TAS1R1: variants seen among roughly 807,000 people sequenced by gnomAD.
TAS1R1 encodes the protein taste 1 receptor member 1, also known as taste receptor type 1 member 1.
Under a neutral mutation model 45.8 loss-of-function variants are expected in TAS1R1, and 31 were observed. That is an observed-to-expected ratio of 0.68 (90% CI 0.51 to 0.91). The LOEUF (loss-of-function observed/expected upper bound fraction) is 0.91. TAS1R1 is among the 40% of genes least tolerant of loss of function. The pLI is 0.00. For missense variants in TAS1R1, 1,051 were observed against 1,063.9 expected, an observed-to-expected ratio of 0.99 and a Z score of 0.17; for synonymous variants, 437 against 448.4, an observed-to-expected ratio of 0.97 and a Z score of 0.32.
At chr1:6,568,293 A>G (rs1197157717) in intron 1 of TAS1R1, among the ~76,000 whole-genome samples, 1 of 151,922 alleles carries the variant, frequency 6.6e-6, no homozygotes, top group Non-Finnish European at 1.5e-5. Flanking sequence ...ACTAAAAAAA[A>G]ATACAAAAAA....
At chr1:6,575,843 C>A (rs1248658012) in intron 3 of TAS1R1, among the ~76,000 whole-genome samples, 3 of 152,096 alleles carry the variant, frequency 2.0e-5, no homozygotes, top group African/African-American at 7.2e-5. Context: ...CGGGCGCCCG[C>A]CACCACGCCC....
At chr1:6,577,115 G>T in intron 5 of TAS1R1, 45 bp downstream of exon 5, 1 of 1,610,954 alleles carries the variant, frequency 6.2e-7, no homozygotes, top group Non-Finnish European at 8.5e-7. Flanking sequence ...ACTCCCGGGG[G>T]CTGCACGGTG....
At chr1:6,578,496 C>T (rs80277780) in intron 5 of TAS1R1, among the ~76,000 whole-genome samples, 157 bp from the exon 6 acceptor site, 279 of 151,950 alleles carry the variant, frequency 1.8e-3, no homozygotes, top group East Asian at 0.017. Context: ...TGAGGAAATG[C>T]GTGGCCTCAG....
intron 2 of TAS1R1, among the ~76,000 whole-genome samples, chr1:6,573,385 A>T (rs905447311): frequency 6.6e-6 from 1 of 152,040 alleles, no homozygotes; most frequent in African/African-American, 2.4e-5. Flanking sequence ...TGAACCCAGG[A>T]GGCAGGGGTT....
Position 6,555,331 on chromosome 1 carries a change from G to C in TAS1R1, c.-43G>C, listed in dbSNP as rs1275032238. On this transcript the variant is annotated 5_prime_UTR_variant, in exon 1 of 6. Transcript: ENST00000333172. ...TCTATTTAAGCAACTGGCCTCCTTA[G>C]AGGCCACTCCTTGGCCATGCCAGGC... 2.0e-6 allele frequency: 3 copies of C among 1,513,634 alleles called. No homozygotes were observed. The highest frequency in any genetic ancestry group is 2.7e-6 in the Non-Finnish European group (3 of 1,127,038). 93.8% of individuals were successfully genotyped at this position (1,513,634 alleles called of 1,614,324 possible).
chr1:6,569,419 C>T (rs1032420759), intron 1 of TAS1R1, among the ~76,000 whole-genome samples: 14 of 152,116 alleles, frequency 9.2e-5, no homozygotes, highest in South Asian at 2.1e-4. Flanking sequence ...TCTTTAAGGA[C>T]ATTGAAATCG....
chr1:6,569,194 G>A (rs1399360723), intron 1 of TAS1R1, among the ~76,000 whole-genome samples: 1 of 152,080 alleles, frequency 6.6e-6, no homozygotes, highest in African/African-American at 2.4e-5. Context: ...TGATGGTGGC[G>A]AGGATGGGGA....
At chr1:6,565,698 C>T (rs1045371933) in intron 1 of TAS1R1, among the ~76,000 whole-genome samples, 10 of 152,080 alleles carry the variant, frequency 6.6e-5, no homozygotes, top group South Asian at 4.1e-4. Context: ...CTGCAACCTC[C>T]GACTCCTGGG....
intron 1 of TAS1R1, among the ~76,000 whole-genome samples, chr1:6,565,495 CT>C (rs1189102252): frequency 2.6e-5 from 4 of 152,242 alleles, no homozygotes; most frequent in African/African-American, 9.6e-5. Context: ...GGAGGGCTTC[CT>C]TTTTGTTGGC....
At chr1:6,563,222 T>G (rs575374558) in intron 1 of TAS1R1, among the ~76,000 whole-genome samples, 1 of 152,242 alleles carries the variant, frequency 6.6e-6, no homozygotes, top group East Asian at 1.9e-4. Context: ...CCTTAAAATT[T>G]TGGTGGTCAT....
At chr1:6,577,727 C>G (rs1640220756) in intron 5 of TAS1R1, among the ~76,000 whole-genome samples, 1 of 152,082 alleles carries the variant, frequency 6.6e-6, no homozygotes, top group African/African-American at 2.4e-5. Context: ...ACTCGGGAGG[C>G]TGAGGCAGGA....
At chr1:6,564,220 C>T (rs762066651) in intron 1 of TAS1R1, among the ~76,000 whole-genome samples, 1 of 152,048 alleles carries the variant, frequency 6.6e-6, no homozygotes, top group Non-Finnish European at 1.5e-5. Context: ...TTGGAAAGGG[C>T]CTTCCCACTT....
chr1:6,577,821 T>A (rs1342286976), intron 5 of TAS1R1, among the ~76,000 whole-genome samples: 2 of 151,876 alleles, frequency 1.3e-5, no homozygotes, highest in Admixed American at 1.3e-4. Flanking sequence ...AGAGAAAAAC[T>A]CTGTCTCAAA....
In TAS1R1 at chr1:6,579,121, C is replaced by T. The variant is rs150367171; in HGVS notation, c.2063C>T (p.Ala688Val). 1.1e-5 allele frequency: 17 copies of T among 1,614,202 alleles called. No homozygotes were observed. The highest frequency in any genetic ancestry group is 5.0e-5 in the Admixed American group (3 of 60,032). Reference sequence around the variant, plus strand: ...GGCCTGTTTGTGATGATCAGCTCAGCGGCCCAGCTGCTTATCTGTCTAACT... The same window carrying T: ...GGCCTGTTTGTGATGATCAGCTCAGTGGCCCAGCTGCTTATCTGTCTAACT... ...GAGLFVMISS[A>V]AQLLICLTWL... The change falls in exon 6 of 6, where the codon GCG becomes GTG. Residue 688 changes from alanine to valine, a missense_variant. By Grantham distance (64) the Ala-to-Val change is moderately conservative (BLOSUM62 0). Coordinates refer to ENST00000333172, the MANE Select transcript of TAS1R1 (RefSeq NM_138697.4).
chr1:6,570,767 C>A lies in TAS1R1; in HGVS notation c.192-142C>A. ...TTGTTCCTCCTACTGAGCTTGAGAG[C>A]CCTTGTTGAAGTTGTGGTTTGGGGG... On this transcript the variant is annotated intron_variant, in intron 1 of 5. Coordinates refer to ENST00000333172, the MANE Select transcript of TAS1R1 (RefSeq NM_138697.4). The A allele has an allele frequency of 4.6e-6, 3 of 652,010 alleles. No homozygotes were observed. The South Asian group carries it at 6.8e-5, about 15-fold the overall frequency. The allele number at this position is 652,010 out of a possible 1,614,324, so 40.4% of individuals were successfully genotyped here. A position where few individuals can be genotyped will look rare whatever the true frequency, so the allele number is the denominator to read the frequency against.
In TAS1R1 at chr1:6,576,477, C is replaced by A. The variant is rs1171326167; in HGVS notation, c.1323C>A (p.Asp441Glu). 1 of 1,614,272 alleles carries A rather than the reference C, an allele frequency of 6.2e-7. No individual in the cohort carries two copies. Among genetic ancestry groups the A allele is most frequent in the South Asian group, 1.1e-5 (1 of 91,088 alleles). The change falls in exon 4 of 6, where the codon GAC becomes GAA. Residue 441 changes from aspartate (D) to glutamate (E), a missense_variant. Coordinates refer to ENST00000333172, the MANE Select transcript of TAS1R1 (RefSeq NM_138697.4). ...ACAAGGACACTGTGGCGTTTAATGA[C>A]AACAGAGATCCCCTCAGTAGCTATA... is the stretch of plus-strand genomic sequence containing the variant. The part of the protein sequence containing the change: ...LLHKDTVAFN[D>E]NRDPLSSYNI...
At chr1:6,563,999 G>A (rs1639831793) in intron 1 of TAS1R1, among the ~76,000 whole-genome samples, 2 of 152,170 alleles carry the variant, frequency 1.3e-5, no homozygotes, top group African/African-American at 4.8e-5. Context: ...AGGAGGAGAA[G>A]GAGGAGTCTG....
At position 6,575,008 on chromosome 1, in the gene TAS1R1, G is replaced by C; in HGVS notation, c.876G>C (p.Leu292=). The change falls in exon 3 of 6, where the codon CTG becomes CTC. Residue 292 remains leucine (L), a synonymous_variant. Coordinates refer to ENST00000333172, the MANE Select transcript of TAS1R1 (RefSeq NM_138697.4). ...VFFESVVLTN[L]TGKVWVASEA... is the part of the protein sequence containing the mutation. ...TCGAGTCCGTGGTGCTGACCAACCT[G>C]ACTGGCAAGGTGTGGGTCGCCTCAG... The C allele has an allele frequency of 6.3e-7, 1 of 1,590,696 alleles. No individual in the cohort carries two copies. Among genetic ancestry groups the C allele is most frequent in the Non-Finnish European group, 8.6e-7 (1 of 1,166,680 alleles).
At chr1:6,567,289 A>G (rs1639889924) in intron 1 of TAS1R1, among the ~76,000 whole-genome samples, 1 of 151,880 alleles carries the variant, frequency 6.6e-6, no homozygotes, top group Non-Finnish European at 1.5e-5. Context: ...AGCTGGGCGC[A>G]GTGGCTCACG....
Sources: gnomAD v4.1 joint callset for allele counts (sites outside exome capture counted in the v4.1 genomes callset) on GRCh38, gnomAD v4.1.1 for gene constraint, MANE v1.5 for transcripts, NCBI Gene and HGNC (gene_info 2026-07-23, HGNC 2026-07-21) for gene names.